Variants in ZNF730 observed in about 807,000 individuals in gnomAD.
ZNF730 encodes the protein zinc finger protein 730.
ZNF730 carries 12 observed loss-of-function variants against 12.6 expected under a neutral mutation model. The observed-to-expected ratio is 0.95, with a 90% CI of 0.61 to 1.54. The LOEUF (loss-of-function observed/expected upper bound fraction) is 1.54, where lower values mean the gene tolerates loss of function less well. Ranked by LOEUF, ZNF730 falls within the 40% of genes most tolerant of loss-of-function variation. The pLI is 0.00. For missense variants in ZNF730, 643 were observed against 583.5 expected (o/e 1.10, Z -1.05); for synonymous variants, 194 against 195.8 (o/e 0.99, Z 0.08).
At chr19:23,118,589 C>G (rs567395921) in intron 1 of ZNF730, among the ~76,000 whole-genome samples, 1 of 151,950 alleles carries the variant, frequency 6.6e-6, no homozygotes, top group Non-Finnish European at 1.5e-5. Flanking sequence ...GGTGGATGCC[C>G]TGGGGCTAAG....
At chr19:23,140,887 G>A (rs543160328) in intron 3 of ZNF730, among the ~76,000 whole-genome samples, 2 of 152,178 alleles carry the variant, frequency 1.3e-5, no homozygotes, top group African/African-American at 4.8e-5. Context: ...AGGAGGCAGA[G>A]GTTGCAGTGA....
chr19:23,115,941 A>G (rs1970513359), upstream of ZNF730, among the ~76,000 whole-genome samples: 1 of 152,236 alleles, frequency 6.6e-6, no homozygotes, highest in Non-Finnish European at 1.5e-5. Flanking sequence ...TTACCTTCTA[A>G]CAGTGGGCTC....
At chr19:23,112,736 A>G (rs74431359), upstream of ZNF730, among the ~76,000 whole-genome samples, 1 of 24,288 alleles carries the variant, frequency 4.1e-5, no homozygotes, top group East Asian at 2.5e-3. Context: ...AAAATAGAAG[A>G]AAAAAAAAAA....
At chr19:23,135,800 C>A (rs560819164) in intron 2 of ZNF730, 148 bp from the exon 3 acceptor site, 28 of 658,022 alleles carry the variant, frequency 4.3e-5, no homozygotes, top group African/African-American at 1.9e-5. Context: ...CATGAGCCAC[C>A]GTGCCTGGTC....
intron 1 of ZNF730, among the ~76,000 whole-genome samples, chr19:23,110,456 T>C (rs1970449102): frequency 7.3e-6 from 1 of 137,040 alleles, no homozygotes; most frequent in Non-Finnish European, 1.5e-5. Context: ...TTTGTATTTT[T>C]AGTAGAGAAG....
intron 1 of ZNF730, among the ~76,000 whole-genome samples, chr19:23,094,011 G>C (rs1037212638): frequency 6.6e-6 from 1 of 152,132 alleles, no homozygotes; most frequent in Non-Finnish European, 1.5e-5. Flanking sequence ...GCTCTCGCCG[G>C]GGTCAGAACT....
chr19:23,080,290 A>G (rs1470023308), intron 1 of ZNF730, among the ~76,000 whole-genome samples: 2 of 152,162 alleles, frequency 1.3e-5, no homozygotes, highest in East Asian at 1.9e-4. Flanking sequence ...TGCAATGTAC[A>G]TGAATGTACA....
At chr19:23,085,006 T>G (rs867558305) in intron 1 of ZNF730, among the ~76,000 whole-genome samples, 3 of 152,220 alleles carry the variant, frequency 2.0e-5, no homozygotes, top group African/African-American at 7.2e-5. Context: ...TCAAATGTTA[T>G]TTCTGTCTTT....
At chr19:23,137,109 G>T (rs1599599366) in intron 3 of ZNF730, among the ~76,000 whole-genome samples, 1 of 152,236 alleles carries the variant, frequency 6.6e-6, no homozygotes, top group Non-Finnish European at 1.5e-5. Flanking sequence ...AATGGAGGTT[G>T]CAGTGAGCCA....
intron 1 of ZNF730, among the ~76,000 whole-genome samples, chr19:23,078,438 T>C (rs1436024944): frequency 3.3e-5 from 5 of 152,148 alleles, no homozygotes; most frequent in African/African-American, 9.7e-5. Context: ...GAGATGTTTA[T>C]GTATGTGCAC....
chr19:23,098,719 G>A (rs1372655568), intron 1 of ZNF730, among the ~76,000 whole-genome samples: 2 of 152,152 alleles, frequency 1.3e-5, no homozygotes, highest in African/African-American at 4.8e-5. Context: ...TGACTCTCCT[G>A]CCTGATCAGT....
intron 1 of ZNF730, among the ~76,000 whole-genome samples, chr19:23,132,684 T>C (rs907755609): frequency 3.3e-5 from 5 of 152,110 alleles, no homozygotes; most frequent in African/African-American, 1.2e-4. Flanking sequence ...ATAAAGACCA[T>C]GTAATGTTGA....
At chr19:23,102,354 T>G (rs1970345068) in intron 1 of ZNF730, among the ~76,000 whole-genome samples, 1 of 152,140 alleles carries the variant, frequency 6.6e-6, no homozygotes, top group Admixed American at 6.5e-5. Context: ...GGTCCCTGCC[T>G]TCAGAAAAGA....
At chr19:23,085,988 G>A (rs1470332244) in intron 1 of ZNF730, among the ~76,000 whole-genome samples, 1 of 151,686 alleles carries the variant, frequency 6.6e-6, no homozygotes, top group Non-Finnish European at 1.5e-5. Flanking sequence ...GGGATTACAG[G>A]CGCCTGCCAC....
At chr19:23,116,643 A>T (rs1219331122), upstream of ZNF730, among the ~76,000 whole-genome samples, 1 of 146,908 alleles carries the variant, frequency 6.8e-6, no homozygotes, top group African/African-American at 2.5e-5. Context: ...CTGGTCTCAA[A>T]CTCCTGACCT....
rs139301905 is a variant in ZNF730 at position 23,126,712 on chromosome 19, G to C, written c.4-7368G>C. On this transcript the variant is annotated intron_variant, in intron 1 of 3. Transcript: ENST00000597761. Reference sequence around the variant, plus strand: ...ATGCTTCTTGTCTTAAAATCTATAAGTTCTTGTTTTGCAGACTGAGATTTT... The same window carrying C: ...ATGCTTCTTGTCTTAAAATCTATAACTTCTTGTTTTGCAGACTGAGATTTT... 8.0e-3 allele frequency: 3,768 copies of C among 470,646 alleles called. 14 individuals are homozygous for C. The highest frequency in any genetic ancestry group is 0.012 in the Non-Finnish European group (2,975 of 239,714). 29.2% of individuals were successfully genotyped at this position (470,646 alleles called of 1,614,324 possible).
intron 1 of ZNF730, among the ~76,000 whole-genome samples, chr19:23,095,799 C>T (rs1200504491): frequency 6.6e-6 from 1 of 152,160 alleles, no homozygotes; most frequent in Non-Finnish European, 1.5e-5. Context: ...ACTTTGCACC[C>T]AGCACTGAGG....
In ZNF730 at chr19:23,124,656, A is replaced by G. The variant is rs935314951; in HGVS notation, c.3+7480A>G. Reference sequence around the variant, plus strand: ...GTTAATGCTACTTCTTTCTCAGTGTAAAAGAAATGAGTCATTCTGTGTTTG... The same window carrying G: ...GTTAATGCTACTTCTTTCTCAGTGTGAAAGAAATGAGTCATTCTGTGTTTG... On this transcript the variant is annotated intron_variant, in intron 1 of 3. Coordinates refer to ENST00000597761, the MANE Select transcript of ZNF730 (RefSeq NM_001277403.2). Among the ~76,000 whole-genome samples the G allele has an allele frequency of 2.6e-5, 4 of 152,224 alleles. No individual in the cohort carries two copies. In the South Asian group the frequency reaches 8.3e-4, roughly 31 times the overall value.
rs1271844959 is a variant in ZNF730, at chr19:23,146,088, T to G, written c.1044T>G (p.Ala348=). 1 of 1,612,018 alleles carries G rather than the reference T, an allele frequency of 6.2e-7. No homozygotes were observed. The highest frequency in any genetic ancestry group is 8.5e-7 in the Non-Finnish European group (1 of 1,179,362). ...ACAAATGTGAAGAATGTGGCAAAGCTTTTAACCGATCCTCAACCCTTAATA... is the reference window on the plus strand; with the variant it reads ...ACAAATGTGAAGAATGTGGCAAAGCGTTTAACCGATCCTCAACCCTTAATA... ...KPYKCEECGK[A]FNRSSTLNRH... is the part of the protein sequence containing the mutation. The change falls in exon 4 of 4, where the codon GCT becomes GCG. Residue 348 remains alanine, a synonymous_variant. Coordinates refer to ENST00000597761, the MANE Select transcript of ZNF730 (RefSeq NM_001277403.2).
Sources: gnomAD v4.1 joint callset for allele counts (sites outside exome capture counted in the v4.1 genomes callset) on GRCh38, gnomAD v4.1.1 for gene constraint, MANE v1.5 for transcripts, NCBI Gene and HGNC (gene_info 2026-07-23, HGNC 2026-07-21) for gene names.